The following RUBCN variants were observed in gnomAD, a reference collection of about 807,000 sequenced individuals.
RUBCN encodes run domain Beclin-1-interacting and cysteine-rich domain-containing protein.
Under a neutral mutation model 113.2 loss-of-function variants are expected in RUBCN, and 74 were observed. The ratio of observed to expected loss-of-function variants is 0.65; its 90% CI spans 0.54 to 0.79. The LOEUF (loss-of-function observed/expected upper bound fraction) is 0.79, where lower values mean the gene tolerates loss of function less well. RUBCN is among the 30% of genes least tolerant of loss of function. The probability of loss-of-function intolerance (pLI) is 0.00; values close to 1 mark genes in which losing one functional copy is unlikely to be tolerated. For missense variants in RUBCN, 1,109 were observed against 1,251.7 expected, an observed-to-expected ratio of 0.89 and a Z score of 1.72; for synonymous variants, 480 against 490.0, an observed-to-expected ratio of 0.98 and a Z score of 0.27.
At chr3:197,700,497 T>G (rs1386225998) in intron 7 of RUBCN, 116 bp downstream of exon 7, 13 of 942,018 alleles carry the variant, frequency 1.4e-5, no homozygotes, top group Non-Finnish European at 2.2e-5. Flanking sequence ...AATAAGATGT[T>G]GTATCACCAG....
chr3:197,734,001 A>T (rs1308537686), intron 1 of RUBCN, among the ~76,000 whole-genome samples: 1 of 152,110 alleles, frequency 6.6e-6, no homozygotes, highest in Non-Finnish European at 1.5e-5. Flanking sequence ...CACGCTTGTA[A>T]TCCCAGCACT....
At position 197,703,558 on chromosome 3, in the gene RUBCN, T is replaced by C; in HGVS notation, c.560A>G (p.Asp187Gly). Reference protein sequence around the residue: ...QNNPRLLAQIDASMFARKHES... With the variant: ...QNNPRLLAQIGASMFARKHES... Reference sequence around the variant, plus strand: ...CCTTGTCCCCTGTACCATGGACGCATCGATCTGAGCCAGGAGGCGGGGGTT... The same window carrying C: ...CCTTGTCCCCTGTACCATGGACGCACCGATCTGAGCCAGGAGGCGGGGGTT... Residue 187 changes from aspartate to glycine, a missense_variant, in exon 5 of 20, where the codon GAT (aspartate) becomes GGT (glycine). Physicochemically the swap from Asp to Gly is moderately conservative, Grantham distance 94. Transcript: ENST00000296343. The C allele has an allele frequency of 6.2e-7, 1 of 1,611,306 alleles. No homozygotes were observed. Among genetic ancestry groups the C allele is most frequent in the Non-Finnish European group, 8.5e-7 (1 of 1,177,572 alleles).
intron 2 of RUBCN, among the ~76,000 whole-genome samples, chr3:197,711,627 G>A (rs1724972253): frequency 6.6e-6 from 1 of 152,000 alleles, no homozygotes; most frequent in African/African-American, 2.4e-5. Context: ...GAGGCCAGGA[G>A]CTTGAGACCA....
intron 2 of RUBCN, among the ~76,000 whole-genome samples, chr3:197,710,800 T>C (rs1197481425): frequency 6.6e-6 from 1 of 151,984 alleles, no homozygotes; most frequent in Non-Finnish European, 1.5e-5. Context: ...TATCTTTTCA[T>C]GCTAAGAGAA....
intron 1 of RUBCN, among the ~76,000 whole-genome samples, chr3:197,727,033 G>A (rs559285397): frequency 1.3e-3 from 201 of 149,862 alleles, no homozygotes; most frequent in Non-Finnish European, 2.4e-3. Flanking sequence ...TCCGCCTCCC[G>A]GGTTCAAATG....
chr3:197,682,247 T>C (rs1438676570), intron 14 of RUBCN, among the ~76,000 whole-genome samples: 1 of 152,094 alleles, frequency 6.6e-6, no homozygotes, highest in Non-Finnish European at 1.5e-5. Flanking sequence ...AGCTACAGGT[T>C]GGGAATGCCA....
chr3:197,684,278 A>G lies in RUBCN; in HGVS notation c.1787-61T>C, dbSNP rs923119014. 6 of 1,282,298 alleles carry G rather than the reference A, an allele frequency of 4.7e-6. No homozygotes were observed. The African/African-American group carries it at 8.8e-5, about 19-fold the overall frequency. The allele number at this position is 1,282,298 out of a possible 1,614,324, so 79.4% of individuals were successfully genotyped here. A position where few individuals can be genotyped will look rare whatever the true frequency, so the allele number is the denominator to read the frequency against. ...AAACGGGGTGGGTAAGGGAACCTGG[A>G]ATCTATTACAAGGTGCTCCCAGCTA... On this transcript the variant is annotated intron_variant, in intron 11 of 19. Coordinates refer to ENST00000296343, the MANE Select transcript of RUBCN (RefSeq NM_014687.4).
chr3:197,707,804 A>C (rs1225264829), intron 2 of RUBCN, among the ~76,000 whole-genome samples: 2 of 127,360 alleles, frequency 1.6e-5, no homozygotes, highest in Non-Finnish European at 3.5e-5. Context: ...GTCTCTACTA[A>C]AGATACAAAA....
In RUBCN at chr3:197,680,943, A is replaced by G. The variant is rs181483201; in HGVS notation, c.2430+186T>C. On this transcript the variant is annotated intron_variant, in intron 16 of 19. Transcript: ENST00000296343. ...TTATAGCTTTGACACTGCGATAACAAGAAGTGTGGTAATTGTGGGAAGCCC... is the reference window on the plus strand; with the variant it reads ...TTATAGCTTTGACACTGCGATAACAGGAAGTGTGGTAATTGTGGGAAGCCC... Among the ~76,000 whole-genome samples, 128 of 149,744 alleles carry G rather than the reference A, an allele frequency of 8.5e-4. 2 individuals are homozygous for G. The highest frequency in any genetic ancestry group is 3.0e-3 in the African/African-American group (122 of 40,856).
At chr3:197,712,240 T>C (rs1165740590) in intron 2 of RUBCN, among the ~76,000 whole-genome samples, 1 of 152,212 alleles carries the variant, frequency 6.6e-6, no homozygotes, top group Non-Finnish European at 1.5e-5. Flanking sequence ...CCTTGCCTTC[T>C]GGAAGGACTA....
chr3:197,715,908 C>T (rs533535375), intron 2 of RUBCN, among the ~76,000 whole-genome samples: 1 of 152,166 alleles, frequency 6.6e-6, no homozygotes, highest in East Asian at 1.9e-4. Flanking sequence ...ATAGTAATAA[C>T]AAAAGTCTAA....
chr3:197,733,100 G>A (rs1465813694), intron 1 of RUBCN, among the ~76,000 whole-genome samples: 2 of 152,194 alleles, frequency 1.3e-5, no homozygotes, highest in Non-Finnish European at 2.9e-5. Flanking sequence ...ATGCAGGTCT[G>A]ACTTTAAAGC....
At chr3:197,696,181 G>A (rs905212678) in intron 8 of RUBCN, among the ~76,000 whole-genome samples, 200 bp from the exon 9 acceptor site, 5 of 152,098 alleles carry the variant, frequency 3.3e-5, no homozygotes, top group Admixed American at 1.3e-4. Flanking sequence ...AGACCAGCCT[G>A]GCCAACATGG....
At chr3:197,694,266 A>T in intron 10 of RUBCN, 109 bp downstream of exon 10, 1 of 941,766 alleles carries the variant, frequency 1.1e-6, no homozygotes, top group Non-Finnish European at 1.8e-6. Context: ...GAAAAAAAGT[A>T]GGACTACATA....
chr3:197,692,409 A>G (rs1002990185), intron 11 of RUBCN, among the ~76,000 whole-genome samples: 1 of 151,810 alleles, frequency 6.6e-6, no homozygotes, highest in African/African-American at 2.4e-5. Flanking sequence ...AGTTCTGGGC[A>G]TCATTCAAGC....
intron 1 of RUBCN, among the ~76,000 whole-genome samples, chr3:197,723,939 A>T (rs1220485024): frequency 1.3e-5 from 2 of 152,146 alleles, no homozygotes; most frequent in African/African-American, 2.4e-5. Context: ...CTACTAAAAA[A>T]ATATAAAAAT....
Position 197,705,085 on chromosome 3 carries a change from C to G in RUBCN, c.303+7G>C, listed in dbSNP as rs1448694324. 2 of 1,611,676 alleles carry G rather than the reference C, an allele frequency of 1.2e-6. No individual in the cohort carries two copies. Among genetic ancestry groups the G allele is most frequent in the African/African-American group, 2.7e-5 (2 of 74,894 alleles). On this transcript the variant is annotated splice_region_variant and intron_variant, in intron 3 of 19. Coordinates refer to ENST00000296343, the MANE Select transcript of RUBCN (RefSeq NM_014687.4). ...TGCCAGCACAGCCGCTCTGCTCTCA[C>G]TCTTACCTTCTCCACGTGAAGGGCT...
In RUBCN at chr3:197,731,114, C is replaced by T. The variant is rs1447164954; in HGVS notation, c.65+5541G>A. On this transcript the variant is annotated intron_variant, in intron 1 of 19. Transcript: ENST00000296343. The stretch of plus-strand genomic sequence containing the variant: ...AGATAAACAAGTGAACAAAGGTCTC[C>T]GGTTTTCCTAGGCAGAGGACCCTGC... 3.7e-4 allele frequency among the ~76,000 whole-genome samples: 56 copies of T among 151,622 alleles called. 1 individual carries two copies. Among genetic ancestry groups the T allele is most frequent in the African/African-American group, 1.2e-3 (49 of 41,326 alleles).
chr3:197,725,015 C>CA (rs995882502), intron 1 of RUBCN, among the ~76,000 whole-genome samples: 2 of 151,836 alleles, frequency 1.3e-5, no homozygotes, highest in African/African-American at 4.8e-5. Flanking sequence ...CTCGTCTCTA[C>CA]AAAAAAACTA....
Sources: gnomAD v4.1 joint callset for allele counts (sites outside exome capture counted in the v4.1 genomes callset) on GRCh38, gnomAD v4.1.1 for gene constraint, MANE v1.5 for transcripts, NCBI Gene and HGNC (gene_info 2026-07-23, HGNC 2026-07-21) for gene names.